The following GPR158 variants were observed in gnomAD, a reference collection of about 807,000 sequenced individuals.
GPR158 encodes the protein G protein-coupled receptor 158.
A neutral mutation model predicts 78.2 loss-of-function variants in GPR158; 30 were observed. That is an observed-to-expected ratio of 0.38 (90% CI 0.29 to 0.52). GPR158 has a LOEUF of 0.52. GPR158 is among the 20% of genes least tolerant of loss of function. GPR158 has a pLI of 0.83. For synonymous variants in GPR158, 581 were observed against 591.1 expected, an observed-to-expected ratio of 0.98 and a Z score of 0.25; for missense variants, 1,463 against 1,523.5, an observed-to-expected ratio of 0.96 and a Z score of 0.66.
At chr10:25,451,577 A>G (rs1835216003) in intron 4 of GPR158, among the ~76,000 whole-genome samples, 2 of 152,226 alleles carry the variant, frequency 1.3e-5, no homozygotes, top group Admixed American at 6.5e-5. Context: ...TTTTAAAATG[A>G]CAGCTTTACA....
At chr10:25,258,124 T>A (rs1397612861) in intron 2 of GPR158, among the ~76,000 whole-genome samples, 5 of 151,928 alleles carry the variant, frequency 3.3e-5, no homozygotes, top group African/African-American at 1.2e-4. Flanking sequence ...GTGCCCAGAG[T>A]CAAAGGGAAA....
intron 3 of GPR158, among the ~76,000 whole-genome samples, chr10:25,411,155 T>A (rs1386639671): frequency 1.3e-5 from 2 of 151,700 alleles, no homozygotes; most frequent in African/African-American, 4.8e-5. Flanking sequence ...GCTAAACTCA[T>A]CTTAACTATT....
rs540477559 is a variant in GPR158 at position 25,369,317 on chromosome 10, C to T, written c.1009-26594C>T. Among the ~76,000 whole-genome samples the T allele has an allele frequency of 1.3e-4, 19 of 150,204 alleles. 1 individual carries two copies. The highest frequency in any genetic ancestry group is 4.5e-4 in the African/African-American group (18 of 39,810). On this transcript the variant is annotated intron_variant, in intron 2 of 10. Transcript: ENST00000376351. The stretch of plus-strand genomic sequence containing the variant: ...TTGGCTGTGGGTTTGTCATAGATAG[C>T]TCTTATTATTTTGAGATACATCCCA...
At chr10:25,411,262 T>C (rs1415842571) in intron 3 of GPR158, among the ~76,000 whole-genome samples, 1 of 152,120 alleles carries the variant, frequency 6.6e-6, no homozygotes, top group Admixed American at 6.5e-5. Flanking sequence ...TAGCAGTAAG[T>C]GAATAGTGTG....
chr10:25,363,477 T>A (rs532203844), intron 2 of GPR158, among the ~76,000 whole-genome samples: 1 of 152,034 alleles, frequency 6.6e-6, no homozygotes, highest in East Asian at 1.9e-4. Flanking sequence ...CAGAGGCCAA[T>A]ACCATGGCAC....
chr10:25,466,751 A>G, intron 5 of GPR158, 32 bp downstream of exon 5: 1 of 1,259,036 alleles, frequency 7.9e-7, no homozygotes. Flanking sequence ...TTAAAGTAGA[A>G]ATTTATTTTA....
At chr10:25,360,705 C>G (rs1373574372) in intron 2 of GPR158, among the ~76,000 whole-genome samples, 1 of 152,040 alleles carries the variant, frequency 6.6e-6, no homozygotes, top group Non-Finnish European at 1.5e-5. Flanking sequence ...ATGCTTCCAG[C>G]TTTGTTCTTT....
chr10:25,362,443 G>C (rs1382024371), intron 2 of GPR158, among the ~76,000 whole-genome samples: 1 of 151,594 alleles, frequency 6.6e-6, no homozygotes, highest in Non-Finnish European at 1.5e-5. Flanking sequence ...GGGCTCCCTT[G>C]ATATTCTATA....
chr10:25,571,466 A>C (rs143932430), intron 6 of GPR158, among the ~76,000 whole-genome samples: 11 of 152,292 alleles, frequency 7.2e-5, no homozygotes, highest in African/African-American at 2.6e-4. Flanking sequence ...AATCTTTATA[A>C]AAAATTCATA....
At chr10:25,542,848 A>G (rs1014401200) in intron 5 of GPR158, among the ~76,000 whole-genome samples, 3 of 141,752 alleles carry the variant, frequency 2.1e-5, no homozygotes, top group East Asian at 2.1e-4. Context: ...AAAAAGTTCT[A>G]TTTCTAAGTT....
chr10:25,281,787 A>G (rs572423234), intron 2 of GPR158, among the ~76,000 whole-genome samples: 2 of 152,304 alleles, frequency 1.3e-5, no homozygotes, highest in Non-Finnish European at 2.9e-5. Context: ...TTAGTGAAAT[A>G]GAAGACATGC....
At chr10:25,398,732 A>G (rs1834401070) in intron 3 of GPR158, among the ~76,000 whole-genome samples, 1 of 152,194 alleles carries the variant, frequency 6.6e-6, no homozygotes, top group Non-Finnish European at 1.5e-5. Flanking sequence ...TGTTATACCC[A>G]TTGCAGCCAT....
chr10:25,577,158 C>T (rs543618305), intron 7 of GPR158, among the ~76,000 whole-genome samples: 5 of 152,196 alleles, frequency 3.3e-5, no homozygotes, highest in South Asian at 2.1e-4. Flanking sequence ...TGGTTTCTAA[C>T]GTGTAGTGTG....
At chr10:25,398,359 G>A (rs75983445) in intron 3 of GPR158, among the ~76,000 whole-genome samples, 9,502 of 152,082 alleles carry the variant, frequency 0.062, 395 homozygotes, top group South Asian at 0.18. Flanking sequence ...AGACCATGGC[G>A]ACACCGGAGC....
intron 7 of GPR158, among the ~76,000 whole-genome samples, chr10:25,580,635 T>G (rs1359188115): frequency 3.9e-5 from 6 of 152,212 alleles, no homozygotes; most frequent in Non-Finnish European, 8.8e-5. Context: ...TTAACGTTCT[T>G]TAGATTCATT....
chr10:25,500,318 A>G (rs1835935229), intron 5 of GPR158, among the ~76,000 whole-genome samples: 1 of 152,226 alleles, frequency 6.6e-6, no homozygotes, highest in East Asian at 1.9e-4. Context: ...GAATTCATGT[A>G]CTGCAGATAA....
intron 5 of GPR158, among the ~76,000 whole-genome samples, chr10:25,550,622 T>G (rs1050189328): frequency 3.9e-5 from 6 of 152,118 alleles, no homozygotes; most frequent in Admixed American, 2.0e-4. Context: ...AAATTATACT[T>G]TAAGTTTTAG....
intron 4 of GPR158, among the ~76,000 whole-genome samples, chr10:25,439,486 A>G (rs1044091405): frequency 1.9e-4 from 29 of 152,110 alleles, no homozygotes; most frequent in Non-Finnish European, 3.2e-4. Flanking sequence ...TGTCTCTGAA[A>G]ATATAGCAGT....
At chr10:25,566,933 CTT>C (rs1224289503) in intron 6 of GPR158, among the ~76,000 whole-genome samples, 3 of 151,970 alleles carry the variant, frequency 2.0e-5, no homozygotes, top group Admixed American at 6.5e-5. Flanking sequence ...TCTCAGGACT[CTT>C]TTGTCAATAA....
Sources: gnomAD v4.1 joint callset for allele counts (sites outside exome capture counted in the v4.1 genomes callset) on GRCh38, gnomAD v4.1.1 for gene constraint, MANE v1.5 for transcripts, NCBI Gene and HGNC (gene_info 2026-07-23, HGNC 2026-07-21) for gene names.